RASGEF1B: variants seen among roughly 807,000 people sequenced by gnomAD.
RASGEF1B encodes ras-GEF domain-containing family member 1B.
RASGEF1B carries 30 observed loss-of-function variants against 65.7 expected under a neutral mutation model. The ratio of observed to expected loss-of-function variants is 0.46; its 90% confidence interval spans 0.34 to 0.62. RASGEF1B has a LOEUF of 0.62. Among genes scored for constraint, RASGEF1B ranks in the 20% least tolerant of loss-of-function variants. The pLI is 0.01. For synonymous variants in RASGEF1B, 175 were observed against 194.8 expected (o/e 0.90, Z 0.85); for missense variants, 495 against 580.1 (o/e 0.85, Z 1.51).
chr4:81,450,046 C>T (rs149975173), intron 4 of RASGEF1B, among the ~76,000 whole-genome samples: 4 of 152,172 alleles, frequency 2.6e-5, no homozygotes, highest in Non-Finnish European at 5.9e-5. Flanking sequence ...AAAAATCCCA[C>T]CTTCCATACA....
At chr4:81,427,837 T>C in intron 13 of RASGEF1B, 45 bp from the exon 14 acceptor site, 1 of 1,580,478 alleles carries the variant, frequency 6.3e-7, no homozygotes, top group South Asian at 1.1e-5. Flanking sequence ...TGTAACAGAC[T>C]ACTTGAACTA....
chr4:81,428,272 C>G (rs1247132359), intron 13 of RASGEF1B, among the ~76,000 whole-genome samples: 1 of 152,090 alleles, frequency 6.6e-6, no homozygotes, highest in Non-Finnish European at 1.5e-5. Context: ...TCTAGGGCCA[C>G]CAAGAAAAGC....
intron 10 of RASGEF1B, among the ~76,000 whole-genome samples, chr4:81,438,014 T>G (rs1240087968): frequency 2.6e-5 from 4 of 152,212 alleles, no homozygotes; most frequent in African/African-American, 2.4e-5. Context: ...TCGAATTTCC[T>G]TTCAAAATAT....
intron 1 of RASGEF1B, among the ~76,000 whole-genome samples, chr4:81,466,623 G>A (rs1722818731): frequency 1.3e-5 from 2 of 151,690 alleles, no homozygotes; most frequent in Non-Finnish European, 2.9e-5. Context: ...GCTGGGCGTG[G>A]TGGCGGGTGC....
intron 10 of RASGEF1B, 49 bp downstream of exon 10, chr4:81,440,785 T>A: frequency 7.9e-7 from 1 of 1,269,402 alleles, no homozygotes; most frequent in Non-Finnish European, 1.1e-6. Context: ...CATTTCAGCA[T>A]AAAACACAGC....
At chr4:81,437,567 T>C (rs990169678) in intron 10 of RASGEF1B, among the ~76,000 whole-genome samples, 2 of 152,238 alleles carry the variant, frequency 1.3e-5, no homozygotes, top group African/African-American at 2.4e-5. Flanking sequence ...CTGTTTCTTA[T>C]TGATATTTAA....
rs760242990 is a variant in RASGEF1B, at chr4:81,457,566, T to A, written c.233A>T (p.Glu78Val). The change falls in exon 3 of 14, where the codon GAG becomes GTG. Residue 78 changes from glutamate (E) to valine (V), a missense_variant. Coordinates refer to ENST00000264400, the MANE Select transcript of RASGEF1B (RefSeq NM_152545.3). ...TAAGTGGCAAACTTTGGCCATTAGC[T>A]CATACGGATGCATAAATAACCGAGA... ...LSSRLFMHPY[E>V]LMAKVCHLCV... is the part of the protein sequence containing the mutation. The A allele has an allele frequency of 2.5e-6, 4 of 1,614,080 alleles. No homozygotes were observed. The East Asian group carries it at 8.9e-5, about 36-fold the overall frequency.
intron 1 of RASGEF1B, among the ~76,000 whole-genome samples, chr4:81,460,068 A>C (rs1048105623): frequency 6.6e-6 from 1 of 152,216 alleles, no homozygotes; most frequent in African/African-American, 2.4e-5. Flanking sequence ...ACAAGATTTC[A>C]TGTAGACTCT....
chr4:81,453,809 A>C (rs1219789917), intron 4 of RASGEF1B: 1 of 152,270 alleles, frequency 6.6e-6, no homozygotes, highest in African/African-American at 2.4e-5. Context: ...GGGCATTAAC[A>C]CAAGGCAGTT....
Position 81,445,510 on chromosome 4 carries a change from T to G in RASGEF1B, c.928+16A>C, listed in dbSNP as rs369020955. On this transcript the variant is annotated intron_variant, in intron 8 of 13. Coordinates refer to ENST00000264400, the MANE Select transcript of RASGEF1B (RefSeq NM_152545.3). ...TCGTAAAGATAAACGACATGTATCC[T>G]CCACAAAATACTCACAGATTATCGC... 1.2e-4 allele frequency: 184 copies of G among 1,531,868 alleles called. 3 individuals are homozygous for G. The East Asian group carries it at 1.8e-3, about 15-fold the overall frequency. 94.9% of individuals were successfully genotyped at this position (1,531,868 alleles called of 1,614,324 possible). A position where few individuals can be genotyped will look rare whatever the true frequency, so the allele number is the denominator to read the frequency against.
At position 81,441,528 on chromosome 4, in the gene RASGEF1B, C is replaced by G. The variant is rs903947695; in HGVS notation, c.1009-599G>C. ...GATGAATATGATTCAAATACACATA[C>G]TCTTGCACGCGATTTTTTTTTTTTT... On this transcript the variant is annotated intron_variant, in intron 9 of 13. Transcript: ENST00000264400. Among the ~76,000 whole-genome samples the G allele has an allele frequency of 4.7e-5, 7 of 150,524 alleles. No individual in the cohort carries two copies. In the East Asian group the frequency reaches 5.9e-4, roughly 13 times the overall value.
chr4:81,438,621 G>C (rs1274957173), intron 10 of RASGEF1B, among the ~76,000 whole-genome samples: 1 of 152,136 alleles, frequency 6.6e-6, no homozygotes, highest in African/African-American at 2.4e-5. Context: ...TCTTACATAG[G>C]TATACATGTG....
intron 1 of RASGEF1B, among the ~76,000 whole-genome samples, chr4:81,471,527 G>A (rs1300751933): frequency 6.6e-6 from 1 of 152,258 alleles, no homozygotes; most frequent in Admixed American, 6.5e-5. Flanking sequence ...CGGCCGGGCA[G>A]GGGCCCTCCC....
chr4:81,448,903 C>T lies in RASGEF1B; in HGVS notation c.439-619G>A, dbSNP rs542368338. On this transcript the variant is annotated intron_variant, in intron 4 of 13. Coordinates refer to ENST00000264400, the MANE Select transcript of RASGEF1B (RefSeq NM_152545.3). ...GATCTTGTCTCACTATAACCTCCGCCTCCCAGGTTCAAGCGATTCACCTGC... is the reference window on the plus strand; with the variant it reads ...GATCTTGTCTCACTATAACCTCCGCTTCCCAGGTTCAAGCGATTCACCTGC... 3.9e-5 allele frequency among the ~76,000 whole-genome samples: 6 copies of T among 152,280 alleles called. No homozygotes were observed. In the South Asian group the frequency reaches 1.2e-3, roughly 32 times the overall value.
Position 81,459,358 on chromosome 4 carries a change from C to G in RASGEF1B, c.151G>C (p.Val51Leu). 1 of 1,606,154 alleles carries G rather than the reference C, an allele frequency of 6.2e-7. No individual in the cohort carries two copies. The stretch of plus-strand genomic sequence containing the variant: ...TCTGGATAGTAATCCACATTAGGTA[C>G]TAAGTGCTGGATGAGTGCTTCCAGG... ...GSLEALIQHL[V>L]PNVDYYPDRT... Residue 51 changes from valine (V) to leucine (L), a missense_variant, in exon 2 of 14, where the codon GTA becomes CTA. By Grantham distance (32) the Val-to-Leu change is conservative. Coordinates refer to ENST00000264400, the MANE Select transcript of RASGEF1B (RefSeq NM_152545.3).
At chr4:81,449,265 A>C (rs1358121851) in intron 4 of RASGEF1B, among the ~76,000 whole-genome samples, 1 of 152,150 alleles carries the variant, frequency 6.6e-6, no homozygotes, top group Non-Finnish European at 1.5e-5. Context: ...CCACATGGCA[A>C]TTCTCCCTGC....
chr4:81,430,606 A>G (rs750946108), intron 13 of RASGEF1B, among the ~76,000 whole-genome samples: 13 of 152,212 alleles, frequency 8.5e-5, no homozygotes, highest in Non-Finnish European at 1.8e-4. Flanking sequence ...GCAGCAGGGC[A>G]CTGAAGAAGG....
At chr4:81,446,204 G>A (rs561379271) in intron 6 of RASGEF1B, among the ~76,000 whole-genome samples, 41 of 152,256 alleles carry the variant, frequency 2.7e-4, no homozygotes, top group African/African-American at 8.9e-4. Context: ...GTGAAACCCC[G>A]TCTCTACTAA....
intron 1 of RASGEF1B, among the ~76,000 whole-genome samples, chr4:81,460,685 C>T (rs1025931584): frequency 1.3e-5 from 2 of 152,074 alleles, no homozygotes; most frequent in South Asian, 2.1e-4. Flanking sequence ...CAGCAGGGGG[C>T]GGCCAGGGGT....
Sources: gnomAD v4.1 joint callset for allele counts (sites outside exome capture counted in the v4.1 genomes callset) on GRCh38, gnomAD v4.1.1 for gene constraint, MANE v1.5 for transcripts, NCBI Gene and HGNC (gene_info 2026-07-23, HGNC 2026-07-21) for gene names.